RUNDC3B: variants seen among roughly 807,000 people sequenced by gnomAD.
RUNDC3B encodes RUN domain-containing protein 3B.
RUNDC3B carries 33 observed loss-of-function variants against 58.4 expected under a neutral mutation model. The ratio of observed to expected loss-of-function variants is 0.56; its 90% CI spans 0.43 to 0.75. The LOEUF is 0.75. RUNDC3B is among the 30% of genes least tolerant of loss of function. The pLI is 0.00. For missense variants in RUNDC3B, 501 were observed against 535.7 expected, an observed-to-expected ratio of 0.94 and a Z score of 0.64; for synonymous variants, 193 against 195.2, an observed-to-expected ratio of 0.99 and a Z score of 0.10.
intron 6 of RUNDC3B, among the ~76,000 whole-genome samples, chr7:87,757,141 C>T (rs1276268523): frequency 2.0e-5 from 3 of 152,128 alleles, no homozygotes; most frequent in Non-Finnish European, 4.4e-5. Flanking sequence ...ACTTCAAAAT[C>T]ACAACCCCCC....
At chr7:87,677,675 G>T (rs1356062087) in intron 2 of RUNDC3B, among the ~76,000 whole-genome samples, 13 of 151,896 alleles carry the variant, frequency 8.6e-5, no homozygotes, top group Non-Finnish European at 1.5e-5. Context: ...ATCCAAAACA[G>T]AACAAAACAA....
chr7:87,821,560 C>A (rs538982233), intron 10 of RUNDC3B, among the ~76,000 whole-genome samples: 21 of 152,088 alleles, frequency 1.4e-4, no homozygotes, highest in Non-Finnish European at 2.9e-4. Context: ...CATGTGGAAT[C>A]AAAAAAGAGC....
intron 4 of RUNDC3B, among the ~76,000 whole-genome samples, chr7:87,736,875 ATATATATATATATATTTTTTTTT>A (rs1371044808): frequency 2.2e-4 from 8 of 36,364 alleles, no homozygotes; most frequent in African/African-American, 1.1e-3. Context: ...ATATATATAT[ATATATATATATATATTTTTTTTT>A]TTTTTTTTTT....
chr7:87,809,533 G>T (rs1382293913), intron 9 of RUNDC3B, among the ~76,000 whole-genome samples: 1 of 152,150 alleles, frequency 6.6e-6, no homozygotes, highest in Non-Finnish European at 1.5e-5. Flanking sequence ...TAAGGATCAA[G>T]TGAGCTAATA....
At chr7:87,784,867 G>T (rs1835123925) in intron 8 of RUNDC3B, among the ~76,000 whole-genome samples, 1 of 152,006 alleles carries the variant, frequency 6.6e-6, no homozygotes, top group Admixed American at 6.6e-5. Context: ...CCCTAAGGGG[G>T]ACTCTGGTTG....
In RUNDC3B at chr7:87,683,142, C is replaced by T. The variant is rs185315681; in HGVS notation, c.239-17279C>T. Among the ~76,000 whole-genome samples, 292 of 152,244 alleles carry T rather than the reference C, an allele frequency of 1.9e-3. 2 individuals carry two copies. The highest frequency in any genetic ancestry group is 6.7e-3 in the African/African-American group (279 of 41,546). ...CTAGCTTCAAACTTTTCTTCTGCGG[C>T]GTCTTTGCCTCTCTCATCCTTCATA... On this transcript the variant is annotated intron_variant, in intron 2 of 10. Transcript: ENST00000394654.
intron 4 of RUNDC3B, among the ~76,000 whole-genome samples, chr7:87,722,882 G>A (rs547934692): frequency 2.6e-5 from 4 of 152,204 alleles, no homozygotes; most frequent in South Asian, 2.1e-4. Context: ...AACTATTTCC[G>A]ATTCACTGAG....
chr7:87,826,013 G>A (rs1278653507), intron 10 of RUNDC3B, among the ~76,000 whole-genome samples: 1 of 152,168 alleles, frequency 6.6e-6, no homozygotes, highest in Non-Finnish European at 1.5e-5. Flanking sequence ...ACATTGGACT[G>A]TGGACTTTTG....
intron 4 of RUNDC3B, among the ~76,000 whole-genome samples, chr7:87,723,962 C>G (rs1584009840): frequency 1.3e-5 from 2 of 152,144 alleles, no homozygotes; most frequent in Non-Finnish European, 2.9e-5. Context: ...TGGCTCACGC[C>G]TGTAATTCCA....
intron 6 of RUNDC3B, among the ~76,000 whole-genome samples, chr7:87,770,275 T>G (rs1458773781): frequency 6.6e-6 from 1 of 152,098 alleles, no homozygotes; most frequent in Non-Finnish European, 1.5e-5. Context: ...AGTTTCTGTT[T>G]CTCTTCTCTG....
Position 87,652,643 on chromosome 7 carries a change from T to TATAC in RUNDC3B, c.238+1709_238+1710insCATA, listed in dbSNP as rs1376467456. Among the ~76,000 whole-genome samples, 6 of 148,752 alleles carry TATAC rather than the reference T, an allele frequency of 4.0e-5. No individual in the cohort carries two copies. The East Asian group carries it at 7.8e-4, about 19-fold the overall frequency. ...ACTGATATATATATATATATATATATATAGTAGGAAGTATGAAATAATCTG... is the reference window on the plus strand; with the variant it reads ...ACTGATATATATATATATATATATATATACATAGTAGGAAGTATGAAATAATCTG... On this transcript the variant is annotated intron_variant, in intron 2 of 10. Transcript: ENST00000394654.
chr7:87,721,496 C>G (rs932473440), intron 4 of RUNDC3B, among the ~76,000 whole-genome samples: 51 of 151,928 alleles, frequency 3.4e-4, no homozygotes, highest in Admixed American at 3.9e-4. Context: ...ATAGATGAAC[C>G]AAACTAAATT....
chr7:87,743,828 C>G (rs1026271146), intron 6 of RUNDC3B, among the ~76,000 whole-genome samples: 10 of 152,124 alleles, frequency 6.6e-5, no homozygotes, highest in Admixed American at 6.5e-4. Flanking sequence ...TAGGTCCCAG[C>G]TATTTATCTT....
chr7:87,635,177 T>A (rs1243387999), intron 1 of RUNDC3B, among the ~76,000 whole-genome samples: 1 of 152,198 alleles, frequency 6.6e-6, no homozygotes, highest in African/African-American at 2.4e-5. Context: ...ATAAAATATA[T>A]CCCTGGGTCA....
chr7:87,678,061 A>G (rs895548272), intron 2 of RUNDC3B, among the ~76,000 whole-genome samples: 7 of 152,224 alleles, frequency 4.6e-5, no homozygotes, highest in Non-Finnish European at 1.0e-4. Flanking sequence ...CTTCAGGCTA[A>G]AGGGAGATGG....
chr7:87,664,087 T>C (rs1264272014), intron 2 of RUNDC3B, among the ~76,000 whole-genome samples: 2 of 152,190 alleles, frequency 1.3e-5, no homozygotes, highest in Non-Finnish European at 2.9e-5. Flanking sequence ...AGCTATTGGC[T>C]TACATGTTTA....
chr7:87,747,905 C>G (rs1260061859), intron 6 of RUNDC3B, among the ~76,000 whole-genome samples: 2 of 152,180 alleles, frequency 1.3e-5, no homozygotes, highest in Non-Finnish European at 2.9e-5. Context: ...ACAGGCTACC[C>G]GCCTCCCAGG....
At chr7:87,692,487 T>C (rs1032551804) in intron 2 of RUNDC3B, among the ~76,000 whole-genome samples, 2 of 152,086 alleles carry the variant, frequency 1.3e-5, no homozygotes, top group African/African-American at 2.4e-5. Flanking sequence ...ACCCTATAAA[T>C]TGAGTTTTGT....
intron 3 of RUNDC3B, among the ~76,000 whole-genome samples, chr7:87,708,659 T>C (rs569659883): frequency 1.9e-4 from 29 of 152,240 alleles, no homozygotes; most frequent in Middle Eastern, 6.8e-3. Flanking sequence ...TTAAACTCTC[T>C]TAAATGCTGA....
Sources: allele counts gnomAD v4.1 joint callset (sites outside exome capture counted in the v4.1 genomes callset), GRCh38; gene constraint gnomAD v4.1.1; transcripts MANE v1.5; gene names NCBI Gene and HGNC (gene_info 2026-07-23, HGNC 2026-07-21).